The following PCDH15 variants were observed in gnomAD, a reference collection of about 807,000 sequenced individuals.
PCDH15 encodes protocadherin related 15.
Under a neutral mutation model 178.5 loss-of-function variants are expected in PCDH15, and 129 were observed. The ratio of observed to expected loss-of-function variants is 0.72; its 90% CI spans 0.63 to 0.84. PCDH15 has a LOEUF of 0.84. PCDH15 is among the 40% of genes least tolerant of loss of function. The pLI is 0.00. For synonymous variants in PCDH15, 800 were observed against 732.0 expected (o/e 1.09, Z -1.50); for missense variants, 2,230 against 2,099.9 (o/e 1.06, Z -1.21).
intron 2 of PCDH15, among the ~76,000 whole-genome samples, chr10:55,112,071 G>A (rs548044382): frequency 5.3e-5 from 8 of 152,168 alleles, no homozygotes; most frequent in Admixed American, 5.2e-4. Context: ...TGCAATGAGA[G>A]TACTGAGATT....
chr10:53,984,729 A>G (rs192427493), intron 21 of PCDH15, among the ~76,000 whole-genome samples: 21 of 152,208 alleles, frequency 1.4e-4, no homozygotes, highest in African/African-American at 5.1e-4. Flanking sequence ...CTCTTCTTTT[A>G]TTCTCATACC....
intron 2 of PCDH15, among the ~76,000 whole-genome samples, chr10:55,075,126 A>G (rs949028407): frequency 6.6e-6 from 1 of 151,648 alleles, no homozygotes; most frequent in Non-Finnish European, 1.5e-5. Context: ...TATTCTCACT[A>G]CTTCTTATTG....
chr10:54,836,507 T>C (rs1447508307), intron 3 of PCDH15, among the ~76,000 whole-genome samples: 1 of 152,128 alleles, frequency 6.6e-6, no homozygotes, highest in African/African-American at 2.4e-5. Context: ...TGTTACACAG[T>C]TGTAATAACT....
At chr10:54,604,232 G>A (rs745335109) in intron 2 of PCDH15, among the ~76,000 whole-genome samples, 1 of 151,910 alleles carries the variant, frequency 6.6e-6, no homozygotes, top group Admixed American at 6.6e-5. Flanking sequence ...ATATGTGCTT[G>A]AAAAGAATGT....
chr10:54,597,084 T>G (rs570032793), intron 2 of PCDH15, among the ~76,000 whole-genome samples: 1 of 152,220 alleles, frequency 6.6e-6, no homozygotes, highest in South Asian at 2.1e-4. Flanking sequence ...AACTTAACAC[T>G]GGACCAAATT....
intron 2 of PCDH15, among the ~76,000 whole-genome samples, chr10:55,536,288 T>C (rs1841576974): frequency 6.6e-6 from 1 of 152,130 alleles, no homozygotes; most frequent in African/African-American, 2.4e-5. Flanking sequence ...TCTTTTATAA[T>C]GATTTTTACT....
Position 54,831,653 on chromosome 10 carries a change from C to T in PCDH15, c.-29+65797G>A, listed in dbSNP as rs75251967. The stretch of plus-strand genomic sequence containing the variant: ...CACCATAACCAAAAGCTAAATCACA[C>T]AAGAGGAAAATTATCTTGAATTCCA... On this transcript the variant is annotated intron_variant, in intron 3 of 5. Coordinates refer to the PCDH15 transcript ENST00000458638. 3.7e-3 allele frequency among the ~76,000 whole-genome samples: 560 copies of T among 152,088 alleles called. 1 individual carries two copies. Among genetic ancestry groups the T allele is most frequent in the African/African-American group, 0.013 (538 of 41,528 alleles).
intron 2 of PCDH15, among the ~76,000 whole-genome samples, chr10:54,932,894 ATCAC>A (rs1309201008): frequency 3.9e-5 from 6 of 152,118 alleles, no homozygotes; most frequent in South Asian, 2.1e-4. Context: ...ACATTCACTC[ATCAC>A]TCACTCACTC....
At chr10:55,250,632 G>A (rs1841811795) in intron 1 of PCDH15, among the ~76,000 whole-genome samples, 1 of 149,848 alleles carries the variant, frequency 6.7e-6, no homozygotes, top group Admixed American at 6.7e-5. Context: ...CACCTCCCGG[G>A]TTCAAGCAAT....
chr10:54,232,060 A>G (rs2054131740), intron 9 of PCDH15, among the ~76,000 whole-genome samples: 1 of 150,768 alleles, frequency 6.6e-6, no homozygotes, highest in Non-Finnish European at 1.5e-5. Context: ...GAGATTTCAG[A>G]GGAACCAGGG....
At chr10:53,946,424 T>C (rs976549439) in intron 23 of PCDH15, among the ~76,000 whole-genome samples, 4 of 152,198 alleles carry the variant, frequency 2.6e-5, no homozygotes, top group African/African-American at 9.6e-5. Flanking sequence ...TAACCAATGA[T>C]CTTTTTACTG....
At chr10:55,194,418 G>A (rs1353262101) in intron 1 of PCDH15, among the ~76,000 whole-genome samples, 3 of 152,004 alleles carry the variant, frequency 2.0e-5, no homozygotes, top group African/African-American at 4.8e-5. Flanking sequence ...TACAGGAGAT[G>A]AACCATTTCA....
Position 54,020,422 on chromosome 10 carries a change from AT to A in PCDH15, c.2527-7del, listed in dbSNP as rs1208199743. The A allele has an allele frequency of 6.2e-7, 1 of 1,613,252 alleles. No individual in the cohort carries two copies. The highest frequency in any genetic ancestry group is 1.3e-5 in the African/African-American group (1 of 75,000). On this transcript the variant is annotated splice_polypyrimidine_tract_variant and splice_region_variant and intron_variant, in intron 19 of 37. Transcript: ENST00000644397. ...CCAAGGTCGACATCTTTGGCCTGTAATAAGCAGAAGAATAGTTTTATTAGTG... is the reference window on the plus strand; with the variant it reads ...CCAAGGTCGACATCTTTGGCCTGTAAAAGCAGAAGAATAGTTTTATTAGTG...
chr10:54,272,875 T>A (rs1591526826), intron 8 of PCDH15, among the ~76,000 whole-genome samples: 2 of 152,132 alleles, frequency 1.3e-5, no homozygotes, highest in South Asian at 4.1e-4. Context: ...TAACGAAAAG[T>A]GTTCTTGAAA....
chr10:54,703,814 A>G (rs1470643909), intron 1 of PCDH15, among the ~76,000 whole-genome samples: 3 of 152,116 alleles, frequency 2.0e-5, no homozygotes, highest in Non-Finnish European at 2.9e-5. Context: ...GCAATTTAAA[A>G]GAACAAAGCT....
chr10:55,345,499 TCCTCCACCC>T lies in PCDH15; in HGVS notation c.-155-178857_-155-178849del, dbSNP rs1173996829. Among the ~76,000 whole-genome samples, 4 of 152,044 alleles carry T rather than the reference TCCTCCACCC, an allele frequency of 2.6e-5. No individual in the cohort carries two copies. In the East Asian group the frequency reaches 7.7e-4, roughly 29 times the overall value. ...TAAGCCAGAGTTGAACTATGGCAAT[TCCTCCACCC>T]TCTTGTCGGTCCTGTACTCTATAAA... is the stretch of plus-strand genomic sequence containing the variant. On this transcript the variant is annotated intron_variant, in intron 2 of 5. Transcript: ENST00000613346.
intron 3 of PCDH15, among the ~76,000 whole-genome samples, chr10:54,491,893 C>A (rs2137147148): frequency 6.6e-6 from 1 of 152,162 alleles, no homozygotes; most frequent in South Asian, 2.1e-4. Context: ...TTGAGAAATG[C>A]CTTGCAATCA....
chr10:55,549,647 G>A (rs958241911), intron 2 of PCDH15, among the ~76,000 whole-genome samples: 18 of 152,036 alleles, frequency 1.2e-4, no homozygotes, highest in African/African-American at 3.4e-4. Context: ...TAGGTTATTC[G>A]GTTGTCTTTG....
chr10:55,024,034 C>A (rs536525730), intron 2 of PCDH15, among the ~76,000 whole-genome samples: 1 of 143,860 alleles, frequency 7.0e-6, no homozygotes, highest in South Asian at 2.2e-4. Context: ...TATATAAAAT[C>A]TCTTTCTCTG....
Sources: gnomAD v4.1 joint callset for allele counts (sites outside exome capture counted in the v4.1 genomes callset) on GRCh38, gnomAD v4.1.1 for gene constraint, MANE v1.5 for transcripts, NCBI Gene and HGNC (gene_info 2026-07-23, HGNC 2026-07-21) for gene names.